Variants in TMEM135 observed in about 807,000 individuals in gnomAD.
TMEM135 encodes peroxisomal membrane protein 52.
In TMEM135, 30 loss-of-function variants were observed where a neutral mutation model predicts 60.3. The observed-to-expected ratio is 0.50, with a 90% CI of 0.37 to 0.68. The LOEUF (loss-of-function observed/expected upper bound fraction) is 0.68. Ranked by LOEUF, TMEM135 falls within the 30% of genes least tolerant of loss-of-function variation. The probability of loss-of-function intolerance (pLI) is 0.00; values close to 1 mark genes in which losing one functional copy is unlikely to be tolerated. For missense variants in TMEM135, 468 were observed against 548.8 expected, an observed-to-expected ratio of 0.85 and a Z score of 1.47; for synonymous variants, 190 against 186.7, an observed-to-expected ratio of 1.02 and a Z score of -0.14.
chr11:87,054,763 T>G (rs1188664057), intron 1 of TMEM135, among the ~76,000 whole-genome samples: 1 of 152,172 alleles, frequency 6.6e-6, no homozygotes. Context: ...TAGATTCGAT[T>G]TTTAAACCTT....
intron 5 of TMEM135, among the ~76,000 whole-genome samples, chr11:87,218,915 T>A (rs1298478338): frequency 6.6e-6 from 1 of 152,154 alleles, no homozygotes; most frequent in Non-Finnish European, 1.5e-5. Context: ...TGAGCTCTGA[T>A]CACGCCACTG....
intron 5 of TMEM135, among the ~76,000 whole-genome samples, chr11:87,162,528 G>A (rs577329): frequency 0.37 from 55,879 of 151,846 alleles, 10,807 homozygotes; most frequent in East Asian, 0.67. Context: ...AGCTTCATCT[G>A]TGTCCCTGCA....
chr11:87,124,604 G>A (rs1214896938), intron 4 of TMEM135, among the ~76,000 whole-genome samples: 1 of 152,166 alleles, frequency 6.6e-6, no homozygotes, highest in African/African-American at 2.4e-5. Flanking sequence ...AAAGGGTCGT[G>A]TGGAATAATC....
In TMEM135 at chr11:87,328,135, C is replaced by T. The variant is rs1400848426; in HGVS notation, c.*6802C>T. 3 of 454,100 alleles carry T rather than the reference C, an allele frequency of 6.6e-6. No individual in the cohort carries two copies. Among genetic ancestry groups the T allele is most frequent in the South Asian group, 4.7e-5 (3 of 64,472 alleles). The allele number at this position is 454,100 out of a possible 1,614,324, so 28.1% of individuals were successfully genotyped here. On this transcript the variant is annotated 3_prime_UTR_variant, in exon 15 of 15. Coordinates refer to ENST00000305494, the MANE Select transcript of TMEM135 (RefSeq NM_022918.4). Reference sequence around the variant, plus strand: ...GCTCTATTACCCAAGAATTCTGTTACTTTCAGCTGAAAACATTTCTAATGG... The same window carrying T: ...GCTCTATTACCCAAGAATTCTGTTATTTTCAGCTGAAAACATTTCTAATGG...
intron 5 of TMEM135, among the ~76,000 whole-genome samples, chr11:87,185,358 C>G (rs1380420729): frequency 6.6e-6 from 1 of 152,116 alleles, no homozygotes; most frequent in Non-Finnish European, 1.5e-5. Context: ...ATCCCTCTCT[C>G]TATGGTTTCC....
At chr11:87,252,269 G>A (rs1160316328) in intron 6 of TMEM135, among the ~76,000 whole-genome samples, 5 of 151,966 alleles carry the variant, frequency 3.3e-5, no homozygotes, top group African/African-American at 1.2e-4. Context: ...TCTAAACTCT[G>A]GTCCATAATG....
At chr11:87,230,775 G>T (rs1174213116) in intron 5 of TMEM135, among the ~76,000 whole-genome samples, 1 of 151,910 alleles carries the variant, frequency 6.6e-6, no homozygotes, top group Non-Finnish European at 1.5e-5. Flanking sequence ...GTCTGTTATG[G>T]TATCCACTAC....
chr11:87,054,813 G>C (rs1329998130), intron 1 of TMEM135, among the ~76,000 whole-genome samples: 1 of 151,594 alleles, frequency 6.6e-6, no homozygotes, highest in Non-Finnish European at 1.5e-5. Context: ...TTTCAGACCC[G>C]TATGTCAGAA....
At chr11:87,138,111 G>C (rs1326576244) in intron 4 of TMEM135, among the ~76,000 whole-genome samples, 1 of 89,888 alleles carries the variant, frequency 1.1e-5, no homozygotes, top group Non-Finnish European at 2.3e-5. Context: ...TTTCCTTTTA[G>C]ACTGAGTCTC....
intron 5 of TMEM135, among the ~76,000 whole-genome samples, chr11:87,184,719 T>C (rs1426131379): frequency 2.0e-5 from 3 of 152,160 alleles, no homozygotes; most frequent in African/African-American, 7.2e-5. Flanking sequence ...AGATTACTTT[T>C]TGTATTGAAT....
At chr11:87,208,492 G>A (rs1940288593) in intron 5 of TMEM135, among the ~76,000 whole-genome samples, 1 of 151,802 alleles carries the variant, frequency 6.6e-6, no homozygotes, top group Admixed American at 6.6e-5. Context: ...ACTCCTTTAA[G>A]CACGCATGCA....
rs753712537 is a variant in TMEM135, at chr11:87,321,689, A to G, written c.*356A>G. On this transcript the variant is annotated 3_prime_UTR_variant, in exon 15 of 15. Transcript: ENST00000305494. ...TAAAAGATGTCTTTAGTTCATTCCA[A>G]TATAATTCTTGATTAAAATTAGGAT... 4.3e-6 allele frequency: 2 copies of G among 470,234 alleles called. No individual in the cohort carries two copies. Among genetic ancestry groups the G allele is most frequent in the South Asian group, 1.6e-5 (1 of 64,492 alleles). The allele number at this position is 470,234 out of a possible 1,614,324, so 29.1% of individuals were successfully genotyped here. A position where few individuals can be genotyped will look rare whatever the true frequency, so the allele number is the denominator to read the frequency against.
intron 4 of TMEM135, among the ~76,000 whole-genome samples, chr11:87,127,234 A>G (rs1269673379): frequency 6.6e-6 from 1 of 152,184 alleles, no homozygotes; most frequent in East Asian, 1.9e-4. Flanking sequence ...ATTGTGTTCA[A>G]TTAGTGTGAA....
chr11:87,090,477 G>A (rs1182206032), intron 3 of TMEM135, among the ~76,000 whole-genome samples: 3 of 151,810 alleles, frequency 2.0e-5, no homozygotes, highest in Non-Finnish European at 2.9e-5. Context: ...ATGAAGATTC[G>A]GCATATTTAA....
At chr11:87,124,223 A>G (rs1366380376) in intron 4 of TMEM135, among the ~76,000 whole-genome samples, 3 of 152,330 alleles carry the variant, frequency 2.0e-5, no homozygotes, top group Non-Finnish European at 4.4e-5. Flanking sequence ...GGACAGTTTG[A>G]TGGCTCAGAA....
intron 10 of TMEM135, among the ~76,000 whole-genome samples, chr11:87,313,034 C>T (rs923082473): frequency 2.0e-5 from 3 of 151,752 alleles, no homozygotes; most frequent in Non-Finnish European, 2.9e-5. Flanking sequence ...ATCTTTGTTT[C>T]ACCTTCAGTT....
chr11:87,081,129 TA>T (rs1856984170), intron 3 of TMEM135, among the ~76,000 whole-genome samples: 2 of 152,058 alleles, frequency 1.3e-5, no homozygotes, highest in Non-Finnish European at 1.5e-5. Context: ...AGTGGGGTCT[TA>T]TTTTTTTATA....
intron 6 of TMEM135, among the ~76,000 whole-genome samples, chr11:87,276,639 CA>C (rs1941971661): frequency 6.9e-6 from 1 of 145,308 alleles, no homozygotes; most frequent in East Asian, 2.0e-4. Context: ...ATAAGTTATA[CA>C]AAACTTCTTT....
intron 5 of TMEM135, among the ~76,000 whole-genome samples, chr11:87,191,845 A>T (rs1242264105): frequency 6.6e-6 from 1 of 152,090 alleles, no homozygotes; most frequent in African/African-American, 2.4e-5. Flanking sequence ...ATGTTTTTGG[A>T]ATAATTTTAA....
Sources: allele counts gnomAD v4.1 joint callset (sites outside exome capture counted in the v4.1 genomes callset), GRCh38; gene constraint gnomAD v4.1.1; transcripts MANE v1.5; gene names NCBI Gene and HGNC (gene_info 2026-07-23, HGNC 2026-07-21).